ZNF521: variants seen among roughly 807,000 people sequenced by gnomAD.
The protein encoded by ZNF521 is LYST-interacting protein 3.
ZNF521 carries 14 observed loss-of-function variants against 105.5 expected under a neutral mutation model. The observed-to-expected ratio is 0.13, with a 90% confidence interval of 0.09 to 0.21. ZNF521 has a LOEUF of 0.21. ZNF521 is among the 10% of genes least tolerant of loss of function. The pLI, the probability that ZNF521 is intolerant of heterozygous loss-of-function variation, is 1.00. For synonymous variants in ZNF521, 635 were observed against 606.0 expected (o/e 1.05, Z -0.70); for missense variants, 1,233 against 1,629.7 (o/e 0.76, Z 4.19).
intron 3 of ZNF521, among the ~76,000 whole-genome samples, chr18:25,281,716 G>C (rs1270510824): frequency 2.6e-5 from 4 of 152,168 alleles, no homozygotes; most frequent in African/African-American, 9.7e-5. Flanking sequence ...AAAAGGTGGA[G>C]CTAGAAATTG....
chr18:25,214,443 T>C (rs769613058), intron 4 of ZNF521, among the ~76,000 whole-genome samples: 3 of 152,128 alleles, frequency 2.0e-5, no homozygotes, highest in Non-Finnish European at 2.9e-5. Flanking sequence ...GGCCTCCTTG[T>C]TGTTCATTGT....
At chr18:25,143,127 C>T (rs542562414) in intron 5 of ZNF521, among the ~76,000 whole-genome samples, 1 of 152,242 alleles carries the variant, frequency 6.6e-6, no homozygotes, top group African/African-American at 2.4e-5. Context: ...CTAGTGTCAG[C>T]ATGTACTTTT....
At chr18:25,308,275 C>T (rs922076820) in intron 3 of ZNF521, among the ~76,000 whole-genome samples, 3 of 151,134 alleles carry the variant, frequency 2.0e-5, no homozygotes, top group African/African-American at 7.3e-5. Flanking sequence ...CTGATTGACA[C>T]CTTGATGGCA....
intron 2 of ZNF521, among the ~76,000 whole-genome samples, chr18:25,337,151 G>A (rs1313670012): frequency 3.3e-5 from 5 of 152,160 alleles, no homozygotes; most frequent in African/African-American, 4.8e-5. Context: ...AATATTCTGC[G>A]AGGTTGGGGA....
At chr18:25,350,440 G>C (rs988713765) in intron 2 of ZNF521, among the ~76,000 whole-genome samples, 8 of 152,100 alleles carry the variant, frequency 5.3e-5, no homozygotes, top group African/African-American at 1.9e-4. Context: ...TCACGAGCGG[G>C]GGCTGCTCCC....
chr18:25,351,054 C>T, intron 1 of ZNF521, 107 bp from the exon 2 acceptor site: 2 of 817,204 alleles, frequency 2.4e-6, no homozygotes, highest in Non-Finnish European at 3.3e-6. Flanking sequence ...TCCGCTCGGC[C>T]TCCCTCGCGC....
At chr18:25,275,849 C>T (rs2144964962) in intron 3 of ZNF521, among the ~76,000 whole-genome samples, 1 of 152,222 alleles carries the variant, frequency 6.6e-6, no homozygotes, top group South Asian at 2.1e-4. Flanking sequence ...GACACATGAG[C>T]ACCAGCATAC....
At chr18:25,164,118 T>C (rs548288367) in intron 5 of ZNF521, among the ~76,000 whole-genome samples, 17 of 152,194 alleles carry the variant, frequency 1.1e-4, no homozygotes, top group Non-Finnish European at 1.8e-4. Context: ...AAGCTAACAA[T>C]TGGTATTTGT....
Position 25,224,851 on chromosome 18 carries a change from C to T in ZNF521, c.3067G>A (p.Val1023Met), listed in dbSNP as rs1456911942. ...LRNSLTGFRCVVCMQTVTSTL... is the reference protein window; with the variant it reads ...LRNSLTGFRCMVCMQTVTSTL... ...GAGGTCACTGTCTGCATGCACACCACGCAGCGAAAGCCTGTCAGGGAATTC... is the reference window on the plus strand; with the variant it reads ...GAGGTCACTGTCTGCATGCACACCATGCAGCGAAAGCCTGTCAGGGAATTC... The change falls in exon 4 of 8, where the codon GTG becomes ATG. Residue 1023 changes from valine (V) to methionine (M), a missense_variant. Coordinates refer to ENST00000361524, the MANE Select transcript of ZNF521 (RefSeq NM_015461.3). The T allele has an allele frequency of 4.3e-6, 7 of 1,613,924 alleles. No individual in the cohort carries two copies. The highest frequency in any genetic ancestry group is 4.0e-5 in the African/African-American group (3 of 74,896).
intron 5 of ZNF521, among the ~76,000 whole-genome samples, chr18:25,103,522 A>G (rs2144266424): frequency 6.6e-6 from 1 of 152,306 alleles, no homozygotes; most frequent in South Asian, 2.1e-4. Flanking sequence ...TACTAGAAAC[A>G]TAACCCCATA....
intron 3 of ZNF521, among the ~76,000 whole-genome samples, chr18:25,303,842 A>T (rs569233549): frequency 6.6e-6 from 1 of 152,342 alleles, no homozygotes; most frequent in African/African-American, 2.4e-5. Context: ...CTAAAAAAAT[A>T]ATCTGAGAGT....
At chr18:25,295,809 G>T (rs560132694) in intron 3 of ZNF521, among the ~76,000 whole-genome samples, 3 of 152,196 alleles carry the variant, frequency 2.0e-5, no homozygotes, top group Non-Finnish European at 4.4e-5. Flanking sequence ...TTTCTCCAGG[G>T]TATGGAGATA....
chr18:25,341,273 A>T (rs1914187039), intron 2 of ZNF521, among the ~76,000 whole-genome samples: 1 of 152,208 alleles, frequency 6.6e-6, no homozygotes, highest in South Asian at 2.1e-4. Flanking sequence ...ACGCCTGCAC[A>T]TTTAATGGAA....
At chr18:25,221,576 A>G (rs773573568) in intron 4 of ZNF521, among the ~76,000 whole-genome samples, 2 of 152,190 alleles carry the variant, frequency 1.3e-5, no homozygotes, top group Non-Finnish European at 2.9e-5. Context: ...CCTCAGCAAG[A>G]AGAAGAGATG....
At chr18:25,257,946 C>T (rs1908636046) in intron 3 of ZNF521, among the ~76,000 whole-genome samples, 1 of 152,270 alleles carries the variant, frequency 6.6e-6, no homozygotes, top group East Asian at 1.9e-4. Context: ...GACACACATG[C>T]ACATGTGTGC....
At chr18:25,350,786 C>T (rs1354262969) in intron 2 of ZNF521, 121 bp downstream of exon 2, 3 of 1,098,098 alleles carry the variant, frequency 2.7e-6, no homozygotes, top group African/African-American at 1.6e-5. Context: ...AGCGCGCGCG[C>T]CCCCGCACTC....
At chr18:25,279,481 C>T (rs139536727) in intron 3 of ZNF521, among the ~76,000 whole-genome samples, 11 of 152,284 alleles carry the variant, frequency 7.2e-5, no homozygotes, top group East Asian at 3.9e-4. Context: ...AACTCCACAA[C>T]GAATGGGCAG....
At chr18:25,290,190 C>A (rs1188977346) in intron 3 of ZNF521, among the ~76,000 whole-genome samples, 1 of 152,126 alleles carries the variant, frequency 6.6e-6, no homozygotes, top group East Asian at 1.9e-4. Flanking sequence ...TATAAGCATC[C>A]AGAGTAACTG....
At chr18:25,170,625 T>G (rs2035432047) in intron 5 of ZNF521, among the ~76,000 whole-genome samples, 1 of 152,106 alleles carries the variant, frequency 6.6e-6, no homozygotes, top group African/African-American at 2.4e-5. Flanking sequence ...GTAATGACAC[T>G]TAGTTGATTA....
Sources: gnomAD v4.1 joint callset for allele counts (sites outside exome capture counted in the v4.1 genomes callset) on GRCh38, gnomAD v4.1.1 for gene constraint, MANE v1.5 for transcripts, NCBI Gene and HGNC (gene_info 2026-07-23, HGNC 2026-07-21) for gene names.